Variants in PPP2R1B observed in about 807,000 individuals in gnomAD.
The protein encoded by PPP2R1B is serine/threonine-protein phosphatase 2A 65 kDa regulatory subunit A beta isoform.
PPP2R1B carries 58 observed loss-of-function variants against 72.7 expected under a neutral mutation model. That is an observed-to-expected ratio of 0.80 (90% CI 0.65 to 0.99). The LOEUF is 0.99. PPP2R1B is among the 50% of genes least tolerant of loss of function. The pLI is 0.00. For missense variants in PPP2R1B, 695 were observed against 733.6 expected (o/e 0.95, Z 0.61); for synonymous variants, 256 against 264.6 (o/e 0.97, Z 0.32).
downstream of PPP2R1B, chr11:111,723,636 A>C (rs1247510100): frequency 1.2e-6 from 2 of 1,614,102 alleles, no homozygotes; most frequent in Non-Finnish European, 8.5e-7. Flanking sequence ...CCGCCTTCTC[A>C]GCAGGCCCCA....
chr11:111,719,356 C>CTT, the PPP2R1B span, among the ~76,000 whole-genome samples: 1 of 118,850 alleles, frequency 8.4e-6, no homozygotes, highest in African/African-American at 3.2e-5. Flanking sequence ...GTGACTACCC[C>CTT]TTTTTTTTTT....
chr11:111,765,161 CTCTGT>C, intron 2 of PPP2R1B, 128 bp downstream of exon 2: 2 of 1,043,778 alleles, frequency 1.9e-6, no homozygotes, highest in South Asian at 1.6e-5. Flanking sequence ...TAACAATATA[CTCTGT>C]TCTGTTTCTT....
chr11:111,742,308 A>AG, intron 13 of PPP2R1B, 164 bp from the exon 14 acceptor site: 2 of 612,570 alleles, frequency 3.3e-6, no homozygotes, highest in Non-Finnish European at 4.9e-6. Flanking sequence ...TTCTCAGCAA[A>AG]ATCAGCTTCA....
chr11:111,711,922 G>A, the PPP2R1B span, among the ~76,000 whole-genome samples: 1 of 152,220 alleles, frequency 6.6e-6, no homozygotes, highest in Non-Finnish European at 1.5e-5. Context: ...GAACATTCTT[G>A]ATTCCTCACA....
chr11:111,752,402 G>C, intron 9 of PPP2R1B, 70 bp from the exon 10 acceptor site: 1 of 1,431,026 alleles, frequency 7.0e-7, no homozygotes, highest in Non-Finnish European at 9.3e-7. Flanking sequence ...CTCCTGTCAG[G>C]GTAAGATAAA....
intron 2 of PPP2R1B, 143 bp downstream of exon 2, chr11:111,765,151 T>C: frequency 1.0e-6 from 1 of 993,470 alleles, no homozygotes; most frequent in Non-Finnish European, 1.5e-6. Flanking sequence ...TAGCCACAAC[T>C]AACAATATAC....
At position 111,760,960 on chromosome 11, in the gene PPP2R1B, G is replaced by C; in HGVS notation, c.398C>G (p.Pro133Arg). The C allele has an allele frequency of 6.2e-7, 1 of 1,614,228 alleles. No individual in the cohort carries two copies. The highest frequency in any genetic ancestry group is 1.1e-5 in the South Asian group (1 of 91,086). The change falls in exon 4 of 15, where the codon CCT becomes CGT. Residue 133 changes from proline to arginine, a missense_variant. Physicochemically the swap from Pro to Arg is moderately radical, Grantham distance 103 (BLOSUM62 -2). Transcript: ENST00000527614. ...TACAAAATAAGCTTCCAGAGCAACA[G>C]GAGTATGCTCCTGGGAGATCTGTCT... ...SLRQISQEHTPVALEAYFVPL... is the reference protein window; with the variant it reads ...SLRQISQEHTRVALEAYFVPL...
intron 11 of PPP2R1B, among the ~76,000 whole-genome samples, chr11:111,745,236 G>A (rs893379427): frequency 6.6e-6 from 1 of 151,990 alleles, no homozygotes; most frequent in African/African-American, 2.4e-5. Context: ...GTTTTTAGTA[G>A]AGACAGGGTT....
chr11:111,757,212 T>C (rs1945156406), intron 5 of PPP2R1B, among the ~76,000 whole-genome samples: 1 of 152,000 alleles, frequency 6.6e-6, no homozygotes, highest in Admixed American at 6.5e-5. Context: ...AGAATCTTAA[T>C]ACATGTAAAC....
At chr11:111,752,039 G>T in intron 10 of PPP2R1B, 120 bp downstream of exon 10, 1 of 1,104,866 alleles carries the variant, frequency 9.1e-7, no homozygotes, top group African/African-American at 1.6e-5. Context: ...ACAAGAACAA[G>T]GCCATACTTT....
At chr11:111,689,970 G>A in the PPP2R1B span, among the ~76,000 whole-genome samples, 2 of 137,758 alleles carry the variant, frequency 1.5e-5, no homozygotes, top group South Asian at 2.2e-4. Flanking sequence ...ATTCATTTGT[G>A]TGTGTGTGTA....
At chr11:111,703,178 T>G in the PPP2R1B span, 4 of 1,608,490 alleles carry the variant, frequency 2.5e-6, no homozygotes, top group South Asian at 4.4e-5. Flanking sequence ...TTCTTGTGAC[T>G]TTTGTAACAT....
At chr11:111,706,940 A>G in the PPP2R1B span, among the ~76,000 whole-genome samples, 1 of 150,148 alleles carries the variant, frequency 6.7e-6, no homozygotes, top group African/African-American at 2.5e-5. Flanking sequence ...AGCCTGGGTG[A>G]CAGAGCAGGA....
At chr11:111,750,032 C>G (rs1944845242) in intron 10 of PPP2R1B, among the ~76,000 whole-genome samples, 1 of 152,184 alleles carries the variant, frequency 6.6e-6, no homozygotes, top group African/African-American at 2.4e-5. Flanking sequence ...TGACCCATAG[C>G]ACTTGGGAGT....
chr11:111,724,206 A>G, downstream of PPP2R1B: 3 of 1,518,406 alleles, frequency 2.0e-6, no homozygotes, highest in South Asian at 1.3e-5. Context: ...TTTTAAATTT[A>G]AAGCTTATTT....
chr11:111,726,843 T>C, downstream of PPP2R1B: 1 of 843,206 alleles, frequency 1.2e-6, no homozygotes, highest in East Asian at 2.6e-5. Flanking sequence ...TTCATCACCC[T>C]GTAAACCAGG....
rs1284004565 is a variant in PPP2R1B at position 111,728,954 on chromosome 11, A to G, written c.1912-1897T>C. ...AAAAAAAAAAGACAAGAGCAGTATC[A>G]TCTGCCTCTGTTTCTAAACTGGACA... is the stretch of plus-strand genomic sequence containing the variant. On this transcript the variant is annotated intron_variant, in intron 15 of 15. Transcript: ENST00000311129. 4.6e-5 allele frequency: 7 copies of G among 152,318 alleles called. No individual in the cohort carries two copies. In the South Asian group the frequency reaches 1.2e-3, roughly 27 times the overall value. The allele number at this position is 152,318 out of a possible 1,614,324, so 9.4% of individuals were successfully genotyped here. A position where few individuals can be genotyped will look rare whatever the true frequency, so the allele number is the denominator to read the frequency against.
At chr11:111,757,745 G>C (rs1280289032) in intron 5 of PPP2R1B, among the ~76,000 whole-genome samples, 9 of 150,018 alleles carry the variant, frequency 6.0e-5, no homozygotes, top group African/African-American at 2.2e-4. Context: ...TGAGGCAGGA[G>C]AATCACTTGA....
At chr11:111,705,231 A>C in the PPP2R1B span, 6 of 1,307,704 alleles carry the variant, frequency 4.6e-6, no homozygotes, top group African/African-American at 1.5e-5. The surrounding 1 kb of genome is among the most constrained non-coding windows in gnomAD (Gnocchi z 4.3). Context: ...TTAGGATTTC[A>C]TCCTCTACAC....
Sources: gnomAD v4.1 joint callset for allele counts (sites outside exome capture counted in the v4.1 genomes callset) on GRCh38, gnomAD v4.1.1 for gene constraint, Gnocchi (gnomAD v3.1) non-coding constraint, MANE v1.5 for transcripts, NCBI Gene and HGNC (gene_info 2026-07-23, HGNC 2026-07-21) for gene names.